Variants in CRCP observed in about 807,000 individuals in gnomAD.
The protein encoded by CRCP is CGRP receptor component, also known as DNA-directed RNA polymerase III subunit RPC9.
A neutral mutation model predicts 18.5 loss-of-function variants in CRCP; 18 were observed. The ratio of observed to expected loss-of-function variants is 0.97; its 90% confidence interval spans 0.67 to 1.44. The LOEUF (loss-of-function observed/expected upper bound fraction) is 1.44. Ranked by LOEUF, CRCP falls within the 40% of genes most tolerant of loss-of-function variation. The pLI is 0.00. For missense variants in CRCP, 130 were observed against 176.4 expected (o/e 0.74, Z 1.49); for synonymous variants, 53 against 62.9 (o/e 0.84, Z 0.75).
intron 4 of CRCP, among the ~76,000 whole-genome samples, chr7:66,144,200 C>G (rs1181164549): frequency 6.6e-6 from 1 of 152,130 alleles, no homozygotes; most frequent in Non-Finnish European, 1.5e-5. Context: ...ATTCAGCCAC[C>G]CTTTCAGCAA....
chr7:66,116,685 G>A (rs1012625512), intron 1 of CRCP, among the ~76,000 whole-genome samples: 3 of 151,796 alleles, frequency 2.0e-5, no homozygotes, highest in Non-Finnish European at 4.4e-5. Context: ...AAAATCCTCC[G>A]TCCCCACATA....
At chr7:66,123,511 G>C (rs1402088693) in intron 1 of CRCP, among the ~76,000 whole-genome samples, 1 of 152,110 alleles carries the variant, frequency 6.6e-6, no homozygotes, top group Non-Finnish European at 1.5e-5. Flanking sequence ...TACTTTGGGA[G>C]GGCAAAGCGG....
intron 1 of CRCP, among the ~76,000 whole-genome samples, chr7:66,119,155 C>G (rs1222251680): frequency 6.6e-6 from 1 of 152,200 alleles, no homozygotes; most frequent in Non-Finnish European, 1.5e-5. Context: ...AGATCACACT[C>G]TCTGTCCAGT....
chr7:66,137,898 T>C (rs760542390), intron 4 of CRCP, among the ~76,000 whole-genome samples: 1 of 152,234 alleles, frequency 6.6e-6, no homozygotes, highest in Non-Finnish European at 1.5e-5. Context: ...TTGAAACATA[T>C]AATCTGCATA....
At chr7:66,151,423 ACTGT>A (rs1483763971) in intron 5 of CRCP, among the ~76,000 whole-genome samples, 2 of 152,146 alleles carry the variant, frequency 1.3e-5, no homozygotes, top group South Asian at 2.1e-4. Flanking sequence ...CGAACAGTTA[ACTGT>A]CTGTGGTGGC....
intron 3 of CRCP, among the ~76,000 whole-genome samples, chr7:66,131,661 A>G (rs1029321868): frequency 3.3e-5 from 5 of 152,126 alleles, no homozygotes; most frequent in Non-Finnish European, 5.9e-5. Flanking sequence ...CCGAAATTTT[A>G]TCTATATTCT....
At chr7:66,137,359 ATTC>A (rs1002358666) in intron 4 of CRCP, among the ~76,000 whole-genome samples, 3 of 152,090 alleles carry the variant, frequency 2.0e-5, no homozygotes, top group African/African-American at 7.2e-5. Context: ...TTTTTAGTGT[ATTC>A]TTTAGGATTT....
Position 66,148,804 on chromosome 7 carries a change from T to C in CRCP, c.297+3304T>C, listed in dbSNP as rs1454724959. ...CGTGATTATGAAGTCTTGACTCATA[T>C]AGAGCGTTATTGCTTGTAAAACACT... On this transcript the variant is annotated intron_variant, in intron 5 of 5. Transcript: ENST00000395326. Among the ~76,000 whole-genome samples the C allele has an allele frequency of 4.6e-5, 7 of 152,258 alleles. No homozygotes were observed. The South Asian group carries it at 1.2e-3, about 27-fold the overall frequency.
intron 1 of CRCP, 70 bp downstream of exon 1, chr7:66,115,040 C>G: frequency 6.4e-7 from 1 of 1,572,364 alleles, no homozygotes; most frequent in South Asian, 1.1e-5. Flanking sequence ...AGCTGAGAGC[C>G]GAGAGCCGTG....
intron 4 of CRCP, among the ~76,000 whole-genome samples, chr7:66,140,382 CTTCTT>C (rs1562769619): frequency 2.0e-5 from 3 of 147,696 alleles, no homozygotes; most frequent in Admixed American, 1.4e-4. Flanking sequence ...CTGGAGATTT[CTTCTT>C]TTCTTTTCTT....
At chr7:66,126,763 G>C in intron 1 of CRCP, 1 of 328,758 alleles carries the variant, frequency 3.0e-6, no homozygotes, top group Admixed American at 3.9e-5. Flanking sequence ...TAGTAGTAGT[G>C]ATAATGTTGG....
intron 5 of CRCP, among the ~76,000 whole-genome samples, chr7:66,151,754 T>TTTC (rs1421444229): frequency 1.4e-5 from 2 of 141,152 alleles, no homozygotes; most frequent in African/African-American, 5.2e-5. Context: ...TTTCTTTTCT[T>TTTC]TTTTTTTTTT....
intron 5 of CRCP, among the ~76,000 whole-genome samples, chr7:66,146,003 A>G (rs191595606): frequency 2.0e-5 from 3 of 152,170 alleles, no homozygotes; most frequent in Non-Finnish European, 2.9e-5. Context: ...TTCATCTCAC[A>G]GTCAGGGAGT....
intron 1 of CRCP, 78 bp downstream of exon 1, chr7:66,115,048 G>T: frequency 6.4e-7 from 1 of 1,561,766 alleles, no homozygotes; most frequent in Non-Finnish European, 8.7e-7. Context: ...GCCGAGAGCC[G>T]TGGGGACTGG....
At chr7:66,115,693 G>A (rs1306411151) in intron 1 of CRCP, among the ~76,000 whole-genome samples, 1 of 152,068 alleles carries the variant, frequency 6.6e-6, no homozygotes, top group African/African-American at 2.4e-5. Flanking sequence ...TAATTTGTAG[G>A]TATTACTATC....
At chr7:66,152,144 G>C (rs1788496500) in intron 5 of CRCP, 64 bp from the exon 6 acceptor site, 1 of 1,593,300 alleles carries the variant, frequency 6.3e-7, no homozygotes, top group Non-Finnish European at 8.6e-7. Flanking sequence ...GAGCACAGTG[G>C]GCAGGGCTGC....
intron 5 of CRCP, among the ~76,000 whole-genome samples, chr7:66,148,061 T>TA (rs879398924): frequency 1.1e-3 from 150 of 142,346 alleles, no homozygotes; most frequent in African/African-American, 2.4e-3. Context: ...ACCTGTCTTT[T>TA]AAAAAAAAAA....
intron 1 of CRCP, among the ~76,000 whole-genome samples, chr7:66,124,688 A>G (rs910883366): frequency 6.6e-6 from 1 of 151,998 alleles, no homozygotes; most frequent in Non-Finnish European, 1.5e-5. Flanking sequence ...GCATTCCCTT[A>G]TTTCTTTTGC....
intron 2 of CRCP, among the ~76,000 whole-genome samples, chr7:66,129,536 A>G (rs1014117799): frequency 1.3e-5 from 2 of 151,994 alleles, no homozygotes; most frequent in Non-Finnish European, 2.9e-5. Context: ...AAAAAGAAAG[A>G]AAGAAACCTA....
Sources: gnomAD v4.1 joint callset for allele counts (sites outside exome capture counted in the v4.1 genomes callset) on GRCh38, gnomAD v4.1.1 for gene constraint, MANE v1.5 for transcripts, NCBI Gene and HGNC (gene_info 2026-07-23, HGNC 2026-07-21) for gene names.